UBR1: variants seen among roughly 807,000 people sequenced by gnomAD.
UBR1 encodes E3 ubiquitin-protein ligase UBR1.
A neutral mutation model predicts 242.1 loss-of-function variants in UBR1; 102 were observed. The ratio of observed to expected loss-of-function variants is 0.42; its 90% CI spans 0.36 to 0.50. UBR1 has a LOEUF of 0.50. UBR1 is among the 20% of genes least tolerant of loss of function. UBR1 has a pLI of 0.01. For synonymous variants in UBR1, 675 were observed against 684.8 expected (o/e 0.99, Z 0.22); for missense variants, 1,772 against 2,101.8 (o/e 0.84, Z 3.07).
chr15:43,025,412 C>A lies in UBR1; in HGVS notation c.2553G>T (p.Lys851Asn), dbSNP rs1257419086. Reference sequence around the variant, plus strand: ...CTTTGTTTTCTTGTTTTCTCCTTTTCTTCTGCATATGTTCAGCCTATAAAA... The same window carrying A: ...CTTTGTTTTCTTGTTTTCTCCTTTTATTCTGCATATGTTCAGCCTATAAAA... ...TQHSKAEHMQ[K>N]KRRKQENKDE... The change falls in exon 24 of 47, where the codon AAG becomes AAT. Residue 851 changes from lysine (K) to asparagine (N), a missense_variant. Lys to Asn is a moderately conservative substitution (Grantham distance 94, BLOSUM62 0). Transcript: ENST00000290650. 6.2e-7 allele frequency: 1 copy of A among 1,608,106 alleles called. No homozygotes were observed. Among genetic ancestry groups the A allele is most frequent in the Admixed American group, 1.7e-5 (1 of 59,758 alleles).
At chr15:42,952,987 G>A (rs1222463720) in intron 44 of UBR1, among the ~76,000 whole-genome samples, 1 of 151,634 alleles carries the variant, frequency 6.6e-6, no homozygotes, top group Non-Finnish European at 1.5e-5. Context: ...GCAATGGCAT[G>A]ATCTCGGCTC....
intron 42 of UBR1, among the ~76,000 whole-genome samples, chr15:42,961,517 A>G (rs1033386787): frequency 1.7e-4 from 25 of 149,408 alleles, no homozygotes; most frequent in African/African-American, 5.2e-4. Flanking sequence ...TCTGCCTCCC[A>G]GGTTCAAGTG....
intron 30 of UBR1, among the ~76,000 whole-genome samples, chr15:43,006,091 T>TAAAAAAAAA (rs1257692507): frequency 1.4e-5 from 1 of 71,640 alleles, no homozygotes; most frequent in Non-Finnish European, 3.0e-5. Context: ...CAATAAATAC[T>TAAAAAAAAA]AAAAAAAAAA....
intron 1 of UBR1, among the ~76,000 whole-genome samples, chr15:43,091,411 C>A (rs1247275082): frequency 6.6e-6 from 1 of 152,076 alleles, no homozygotes; most frequent in Non-Finnish European, 1.5e-5. Flanking sequence ...ACAAATATTC[C>A]AAAATCTGAA....
intron 43 of UBR1, among the ~76,000 whole-genome samples, chr15:42,959,226 T>C (rs2031975381): frequency 6.6e-6 from 1 of 152,072 alleles, no homozygotes. Context: ...TAGACACTTT[T>C]TGGTTTGTTT....
At chr15:43,072,233 A>G (rs770738419) in intron 4 of UBR1, among the ~76,000 whole-genome samples, 20 of 152,210 alleles carry the variant, frequency 1.3e-4, no homozygotes, top group Non-Finnish European at 1.8e-4. Context: ...TACACCATAT[A>G]AACAGAATAA....
intron 4 of UBR1, among the ~76,000 whole-genome samples, chr15:43,071,286 A>G (rs1475005517): frequency 6.6e-6 from 1 of 152,196 alleles, no homozygotes; most frequent in East Asian, 1.9e-4. Context: ...TTGTTTCCCC[A>G]GATCCTCATG....
chr15:43,070,795 C>T lies in UBR1; in HGVS notation c.659G>A (p.Arg220Lys). 6.2e-7 allele frequency: 1 copy of T among 1,613,124 alleles called. No homozygotes were observed. The highest frequency in any genetic ancestry group is 8.5e-7 in the Non-Finnish European group (1 of 1,179,956). ...TGTTCCGTTTGACAGTTTTCCCCAC[C>T]TTATCTGGAGTTCAGGAGGCAGTTC... ...EKELPPELQI[R>K]EKNERYYCVL... The change falls in exon 5 of 47, where the codon AGG becomes AAG. Residue 220 changes from arginine to lysine, a missense_variant and splice_region_variant. This residue lies in a region of UBR1 where 734 missense variants were observed against 893.3 expected (regional missense o/e 0.82). Coordinates refer to ENST00000290650, the MANE Select transcript of UBR1 (RefSeq NM_174916.3).
rs753855133 is a variant in UBR1, at chr15:42,963,910, C to T, written c.4700+25G>A. 23 of 1,527,406 alleles carry T rather than the reference C, an allele frequency of 1.5e-5. No individual in the cohort carries two copies. In the East Asian group the frequency reaches 5.2e-4, roughly 34 times the overall value. The allele number at this position is 1,527,406 out of a possible 1,614,324, so 94.6% of individuals were successfully genotyped here. ...AATTTCAAATTGTATAATAACCCAA[C>T]AACAATATTTTATCCCCATAGTACC... On this transcript the variant is annotated intron_variant, in intron 42 of 46. Coordinates refer to ENST00000290650, the MANE Select transcript of UBR1 (RefSeq NM_174916.3).
At chr15:43,041,032 T>G (rs1156726618) in intron 15 of UBR1, among the ~76,000 whole-genome samples, 1 of 152,200 alleles carries the variant, frequency 6.6e-6, no homozygotes, top group Non-Finnish European at 1.5e-5. Flanking sequence ...GAAGACAGTG[T>G]GGCGATTCCT....
At position 43,059,620 on chromosome 15, in the gene UBR1, A is replaced by T. The variant is rs1294731042; in HGVS notation, c.985+82T>A. ...AAAAAAAAAAGAAAAACTTTATTTC[A>T]TACTCAATGACATTTTAAAATTTGT... On this transcript the variant is annotated intron_variant, in intron 8 of 46. Transcript: ENST00000290650. 4.0e-6 allele frequency: 6 copies of T among 1,517,986 alleles called. No homozygotes were observed. In the South Asian group the frequency reaches 4.9e-5, roughly 12 times the overall value. The allele number at this position is 1,517,986 out of a possible 1,614,324, so 94.0% of individuals were successfully genotyped here.
chr15:43,026,740 TTAATC>T lies in UBR1; in HGVS notation c.2433-82_2433-78del, dbSNP rs1187074547. Reference sequence around the variant, plus strand: ...TATAGACAAAATAAAAACCTAAAAATTAATCTAGAAGTCAAATATACAGAAAAAAA... The same window carrying T: ...TATAGACAAAATAAAAACCTAAAAATTAGAAGTCAAATATACAGAAAAAAA... On this transcript the variant is annotated intron_variant, in intron 22 of 46. Coordinates refer to ENST00000290650, the MANE Select transcript of UBR1 (RefSeq NM_174916.3). 3.8e-6 allele frequency: 5 copies of T among 1,299,022 alleles called. No individual in the cohort carries two copies. The East Asian group carries it at 9.3e-5, about 24-fold the overall frequency. The allele number at this position is 1,299,022 out of a possible 1,614,324, so 80.5% of individuals were successfully genotyped here.
At chr15:43,024,237 T>C (rs2033149277) in intron 25 of UBR1, among the ~76,000 whole-genome samples, 1 of 152,196 alleles carries the variant, frequency 6.6e-6, no homozygotes, top group Non-Finnish European at 1.5e-5. Flanking sequence ...TTAGAACCTG[T>C]AGACCAACAA....
At chr15:43,091,369 T>C (rs1460414642) in intron 1 of UBR1, among the ~76,000 whole-genome samples, 2 of 152,218 alleles carry the variant, frequency 1.3e-5, no homozygotes, top group Non-Finnish European at 2.9e-5. Flanking sequence ...GGATTTTAGA[T>C]TTTCAGATTT....
chr15:43,019,044 GA>G (rs1444299975), intron 27 of UBR1, among the ~76,000 whole-genome samples: 1 of 152,042 alleles, frequency 6.6e-6, no homozygotes, highest in East Asian at 1.9e-4. Flanking sequence ...TCTACTTCAA[GA>G]AGAATTTTAA....
intron 14 of UBR1, among the ~76,000 whole-genome samples, chr15:43,044,281 T>C (rs2033456206): frequency 2.0e-5 from 3 of 152,094 alleles, no homozygotes; most frequent in Admixed American, 1.3e-4. Context: ...TTGAAGATGG[T>C]AGATTGGAGA....
intron 15 of UBR1, among the ~76,000 whole-genome samples, chr15:43,041,694 A>C (rs1355139552): frequency 1.3e-5 from 2 of 152,266 alleles, no homozygotes; most frequent in African/African-American, 2.4e-5. Context: ...AAATTCAACT[A>C]TAACAAAAAC....
At chr15:43,072,460 C>G (rs993849827) in intron 4 of UBR1, among the ~76,000 whole-genome samples, 6 of 152,172 alleles carry the variant, frequency 3.9e-5, no homozygotes, top group Non-Finnish European at 7.3e-5. Flanking sequence ...TACAAAATCA[C>G]GTCCTCTGCA....
chr15:43,072,690 G>A (rs1331376408), intron 4 of UBR1, among the ~76,000 whole-genome samples: 1 of 152,202 alleles, frequency 6.6e-6, no homozygotes, highest in Non-Finnish European at 1.5e-5. Flanking sequence ...TCAGGTTGAG[G>A]AAGTTCCCTT....
Sources: gnomAD v4.1 joint callset for allele counts (sites outside exome capture counted in the v4.1 genomes callset) on GRCh38, gnomAD v4.1.1 for gene constraint, gnomAD v4.1.1 regional missense constraint, MANE v1.5 for transcripts, NCBI Gene and HGNC (gene_info 2026-07-23, HGNC 2026-07-21) for gene names.